Variants in KLHL10 observed in about 807,000 individuals in gnomAD.
The protein encoded by KLHL10 is kelch like family member 10, also known as kelch-like protein 10.
In KLHL10, 11 loss-of-function variants were observed where a neutral mutation model predicts 46.6. The ratio of observed to expected loss-of-function variants is 0.24; its 90% confidence interval spans 0.15 to 0.39. KLHL10 has a LOEUF of 0.39. KLHL10 is among the 10% of genes least tolerant of loss of function. The pLI, the probability that KLHL10 is intolerant of heterozygous loss-of-function variation, is 1.00. For missense variants in KLHL10, 475 were observed against 789.8 expected (o/e 0.60, Z 4.78); for synonymous variants, 254 against 279.1 (o/e 0.91, Z 0.90).
chr17:41,845,722 C>T lies in KLHL10; in HGVS notation c.1281C>T (p.Ser427=), dbSNP rs201906870. Residue 427 remains serine, a synonymous_variant, in exon 3 of 5, where the codon AGC becomes AGT. Transcript: ENST00000293303. ...APMHEQRSDA[S]ATTLYGKVYI... is the part of the protein sequence containing the mutation. ...TGCACGAACAGAGGAGTGATGCAAG[C>T]GCCACAACACTTTATGGGAAGGTAA... 129 of 1,613,498 alleles carry T rather than the reference C, an allele frequency of 8.0e-5. No homozygotes were observed. Among genetic ancestry groups the T allele is most frequent in the Non-Finnish European group, 9.7e-5 (115 of 1,179,750 alleles).
intron 3 of KLHL10, among the ~76,000 whole-genome samples, chr17:41,846,080 G>A (rs375019117): frequency 1.2e-4 from 18 of 150,406 alleles, no homozygotes; most frequent in East Asian, 1.2e-3. Context: ...GCCTGGTGGC[G>A]GGCGCCTGTA....
In KLHL10 at chr17:41,845,268, A is replaced by AT. The variant is rs1555621189; in HGVS notation, c.829dup (p.Ser277PhefsTer2). 6.2e-7 allele frequency: 1 copy of AT among 1,614,064 alleles called. No individual in the cohort carries two copies. On this transcript the variant is annotated frameshift_variant, in exon 3 of 5. Transcript: ENST00000293303. LOFTEE classifies it high-confidence loss of function. ...GACCTCAACATGAATGGACCCTCTA[A>AT]TTCTGATTTCACCAACCCACTCACC...
Position 41,845,415 on chromosome 17 carries a change from AAG to A in KLHL10, c.979_980del (p.Arg329CysfsTer19). 1 of 1,614,216 alleles carries A rather than the reference AAG, an allele frequency of 6.2e-7. No homozygotes were observed. The highest frequency in any genetic ancestry group is 8.5e-7 in the Non-Finnish European group (1 of 1,180,040). On this transcript the variant is annotated frameshift_variant, in exon 3 of 5. Transcript: ENST00000293303. LOFTEE classifies it high-confidence loss of function. ...AGATGGGTGAATGTTACTTGTGAGG[AAG>A]AGAGTCCCCGTGCCTACCATGGGGC...
chr17:41,848,110 G>T lies in KLHL10; in HGVS notation c.1630G>T (p.Val544Phe). The change falls in exon 5 of 5, where the codon GTT becomes TTT. Residue 544 changes from valine to phenylalanine, a missense_variant. Physicochemically the swap from Val to Phe is conservative, Grantham distance 50. Transcript: ENST00000293303. The part of the protein sequence containing the change: ...GFNGFTTTFN[V>F]ECYDEKTDEW... ...TAATGGTTTTACCACCACCTTTAATGTTGAGTGCTATGATGAAAAGACCGA... is the reference window on the plus strand; with the variant it reads ...TAATGGTTTTACCACCACCTTTAATTTTGAGTGCTATGATGAAAAGACCGA... 1 of 1,614,138 alleles carries T rather than the reference G, an allele frequency of 6.2e-7. No homozygotes were observed. The highest frequency in any genetic ancestry group is 8.5e-7 in the Non-Finnish European group (1 of 1,180,024).
upstream of KLHL10, chr17:41,837,566 C>G (rs1220852610): frequency 1.4e-5 from 15 of 1,076,912 alleles, no homozygotes; most frequent in Non-Finnish European, 1.7e-5. Flanking sequence ...GATGAATGCT[C>G]CAGGGATAGA....
In KLHL10 at chr17:41,848,028, T is replaced by C. The variant is rs782632374; in HGVS notation, c.1548T>C (p.Pro516=). The C allele has an allele frequency of 6.2e-7, 1 of 1,614,100 alleles. No individual in the cohort carries two copies. Among genetic ancestry groups the C allele is most frequent in the East Asian group, 2.2e-5 (1 of 44,902 alleles). ...GCACAATCCCCACTATGTTTAATCCTCGTAGCAATTTTGGCATCGAGGTGG... is the reference window on the plus strand; with the variant it reads ...GCACAATCCCCACTATGTTTAATCCCCGTAGCAATTTTGGCATCGAGGTGG... ...TWRTIPTMFN[P]RSNFGIEVVD... is the part of the protein sequence containing the mutation. The change falls in exon 5 of 5, where the codon CCT becomes CCC. Residue 516 remains proline (P), a synonymous_variant. Transcript: ENST00000293303.
rs530358073 is a variant in KLHL10, at chr17:41,844,675, AG to A, written c.685-450del. Among the ~76,000 whole-genome samples, 739 of 149,462 alleles carry A rather than the reference AG, an allele frequency of 4.9e-3. 8 individuals are homozygous for A. Among genetic ancestry groups the A allele is most frequent in the African/African-American group, 0.017 (697 of 40,346 alleles). On this transcript the variant is annotated intron_variant, in intron 2 of 4. Coordinates refer to ENST00000293303, the MANE Select transcript of KLHL10 (RefSeq NM_152467.5). Reference sequence around the variant, plus strand: ...GCGATTCTCTTGCCTCAGCTTCCTGAGTAGTTGGGATTACAGGTGCGTGCCA... The same window carrying A: ...GCGATTCTCTTGCCTCAGCTTCCTGATAGTTGGGATTACAGGTGCGTGCCA...
intron 1 of KLHL10, among the ~76,000 whole-genome samples, chr17:41,839,030 C>A (rs1287240703): frequency 6.6e-6 from 1 of 150,482 alleles, no homozygotes; most frequent in Admixed American, 6.6e-5. Context: ...CTCGCTTTGT[C>A]CCCCAGGCTG....
chr17:41,838,836 C>T (rs2048197779), intron 1 of KLHL10, among the ~76,000 whole-genome samples: 1 of 151,580 alleles, frequency 6.6e-6, no homozygotes. Context: ...TTACAGGCGC[C>T]TGACACCACG....
At chr17:41,836,304 C>CGGGGCGGGGGTGGGGCCG, upstream of KLHL10, 1 of 683,006 alleles carries the variant, frequency 1.5e-6, no homozygotes, top group Non-Finnish European at 1.8e-6. Context: ...GGGCCGGGGG[C>CGGGGCGGGGGTGGGGCCG]GGGGCGGGGG....
At chr17:41,846,846 G>A (rs190450621) in intron 3 of KLHL10, among the ~76,000 whole-genome samples, 2 of 152,272 alleles carry the variant, frequency 1.3e-5, no homozygotes, top group African/African-American at 2.4e-5. Flanking sequence ...TGGGCACAGT[G>A]TATCATGCCT....
At chr17:41,846,976 G>A (rs374220597) in intron 3 of KLHL10, among the ~76,000 whole-genome samples, 1 of 152,092 alleles carries the variant, frequency 6.6e-6, no homozygotes, top group Non-Finnish European at 1.5e-5. Flanking sequence ...TTAGCGGAGC[G>A]TGGCAGTGTG....
At chr17:41,836,876 G>C (rs2144116734), upstream of KLHL10, among the ~76,000 whole-genome samples, 1 of 152,246 alleles carries the variant, frequency 6.6e-6, no homozygotes, top group Non-Finnish European at 1.5e-5. Context: ...AGATGAAGGA[G>C]CCATAAACTG....
chr17:41,847,450 T>C (rs2048301244), intron 4 of KLHL10, 40 bp downstream of exon 4: 2 of 1,611,588 alleles, frequency 1.2e-6, no homozygotes, highest in South Asian at 1.1e-5. Flanking sequence ...AAAAACACAT[T>C]ACCCCTAGAT....
At position 41,843,737 on chromosome 17, in the gene KLHL10, ATAAATAAATAG is replaced by A. The variant is rs139811953; in HGVS notation, c.685-1378_685-1368del. ...TTCCAAATGTATATATCACCTCCCC[ATAAATAAATAG>A]TAAATAAATATTTATTATTTATTTA... On this transcript the variant is annotated intron_variant, in intron 2 of 4. Transcript: ENST00000293303. 8.9e-3 allele frequency among the ~76,000 whole-genome samples: 1,357 copies of A among 152,036 alleles called. 22 individuals are homozygous for A. The highest frequency in any genetic ancestry group is 0.031 in the African/African-American group (1,300 of 41,466).
intron 1 of KLHL10, among the ~76,000 whole-genome samples, chr17:41,840,188 G>T (rs2048212664): frequency 6.6e-6 from 1 of 152,210 alleles, no homozygotes; most frequent in Admixed American, 6.5e-5. Context: ...CACACAGTCT[G>T]TTGCAACTAC....
intron 3 of KLHL10, 170 bp downstream of exon 3, chr17:41,845,913 A>T (rs2048279516): frequency 4.3e-6 from 4 of 924,710 alleles, no homozygotes; most frequent in Non-Finnish European, 6.6e-6. Flanking sequence ...TATGTTGTTT[A>T]TTGAAAAGTA....
chr17:41,837,707 A>C, upstream of KLHL10: 1 of 1,256,886 alleles, frequency 8.0e-7, no homozygotes, highest in Non-Finnish European at 1.1e-6. Context: ...GTGGGGTGGT[A>C]AGGAGGGGAG....
rs1555621218 is a variant in KLHL10, at chr17:41,845,359, T to C, written c.918T>C (p.Asn306=). The change falls in exon 3 of 5, where the codon AAT becomes AAC. Residue 306 remains asparagine (N), a synonymous_variant. Coordinates refer to ENST00000293303, the MANE Select transcript of KLHL10 (RefSeq NM_152467.5). The stretch of plus-strand genomic sequence containing the variant: ...GCTGGAGTGGTGGGAGCCCCACCAA[T>C]GCCATTGAGGCATATGACGCTCGGG... ...IGGWSGGSPT[N]AIEAYDARAD... 1.9e-6 allele frequency: 3 copies of C among 1,614,014 alleles called. No individual in the cohort carries two copies. In the African/African-American group the frequency reaches 4.0e-5, roughly 22 times the overall value.
Sources: gnomAD v4.1 joint callset for allele counts (sites outside exome capture counted in the v4.1 genomes callset) on GRCh38, gnomAD v4.1.1 for gene constraint, MANE v1.5 for transcripts, NCBI Gene and HGNC (gene_info 2026-07-23, HGNC 2026-07-21) for gene names.